USP5: variants seen among roughly 807,000 people sequenced by gnomAD.
USP5 encodes the protein ubiquitin carboxyl-terminal hydrolase 5.
USP5 carries 24 observed loss-of-function variants against 102.5 expected under a neutral mutation model. That is an observed-to-expected ratio of 0.23 (90% CI 0.17 to 0.33). The LOEUF (loss-of-function observed/expected upper bound fraction) is 0.33. USP5 is among the 10% of genes least tolerant of loss of function. The probability of loss-of-function intolerance (pLI) is 1.00; values close to 1 mark genes in which losing one functional copy is unlikely to be tolerated. For synonymous variants in USP5, 460 were observed against 434.8 expected (o/e 1.06, Z -0.72); for missense variants, 753 against 1,122.1 (o/e 0.67, Z 4.70).
At position 6,855,049 on chromosome 12, in the gene USP5, T is replaced by C. The variant is rs10744720; in HGVS notation, c.112-352T>C. Reference sequence around the variant, plus strand: ...CTTTCTGGATCTGTTAGCCCCAGGATAGAGGTGAAGGAAGTCCTCTGTGAT... The same window carrying C: ...CTTTCTGGATCTGTTAGCCCCAGGACAGAGGTGAAGGAAGTCCTCTGTGAT... On this transcript the variant is annotated intron_variant, in intron 1 of 19. Transcript: ENST00000229268. The surrounding 1 kb of genome is among the most constrained non-coding windows in gnomAD (Gnocchi z 4.6). Among the ~76,000 whole-genome samples, 129,754 of 152,078 alleles carry C rather than the reference T, an allele frequency of 0.85. 55,930 individuals carry two copies. The highest frequency in any genetic ancestry group is 1 in the East Asian group (5,147 of 5,162).
intron 1 of USP5, among the ~76,000 whole-genome samples, chr12:6,853,979 T>A (rs1944032862): frequency 6.6e-6 from 1 of 152,214 alleles, no homozygotes; most frequent in Non-Finnish European, 1.5e-5. Flanking sequence ...TGGAAGAGGA[T>A]GTCTGTTGTT....
At position 6,858,793 on chromosome 12, in the gene USP5, A is replaced by G; in HGVS notation, c.1058+176A>G. On this transcript the variant is annotated intron_variant, in intron 8 of 19. Coordinates refer to ENST00000229268, the MANE Select transcript of USP5 (RefSeq NM_001098536.2). The surrounding 1 kb of genome is among the most constrained non-coding windows in gnomAD (Gnocchi z 4.2). ...CAGTACTTCGGGAGGCCAAGATGGG[A>G]GAATTGCTTGAGCCCAGGAGGTTGA... is the stretch of plus-strand genomic sequence containing the variant. 1 of 551,744 alleles carries G rather than the reference A, an allele frequency of 1.8e-6. No individual in the cohort carries two copies. Among genetic ancestry groups the G allele is most frequent in the East Asian group, 2.9e-5 (1 of 34,776 alleles). 34.2% of individuals were successfully genotyped at this position (551,744 alleles called of 1,614,324 possible). A position where few individuals can be genotyped will look rare whatever the true frequency, so the allele number is the denominator to read the frequency against.
At position 6,855,321 on chromosome 12, in the gene USP5, C is replaced by G; in HGVS notation, c.112-80C>G. 1 of 1,570,140 alleles carries G rather than the reference C, an allele frequency of 6.4e-7. No individual in the cohort carries two copies. The highest frequency in any genetic ancestry group is 8.7e-7 in the Non-Finnish European group (1 of 1,155,622). Reference sequence around the variant, plus strand: ...CATTTCTTCTGGAACCCAGCAGTTTCTGACTCCAGGTTTTGGTTTCCTCAC... The same window carrying G: ...CATTTCTTCTGGAACCCAGCAGTTTGTGACTCCAGGTTTTGGTTTCCTCAC... On this transcript the variant is annotated intron_variant, in intron 1 of 19. Transcript: ENST00000229268. The surrounding 1 kb of genome is among the most constrained non-coding windows in gnomAD (Gnocchi z 4.6).
In USP5 at chr12:6,861,375, T is replaced by C; in HGVS notation, c.1499-68T>C. 1 of 1,492,618 alleles carries C rather than the reference T, an allele frequency of 6.7e-7. No homozygotes were observed. Among genetic ancestry groups the C allele is most frequent in the Non-Finnish European group, 9.0e-7 (1 of 1,110,208 alleles). The allele number at this position is 1,492,618 out of a possible 1,614,324, so 92.5% of individuals were successfully genotyped here. ...AACTGAAATACGGACACAGAGCCAG[T>C]AGGGAGAGGCTAAGGAGGCAAAGAA... On this transcript the variant is annotated intron_variant, in intron 12 of 19. Transcript: ENST00000229268. The surrounding 1 kb of genome is among the most constrained non-coding windows in gnomAD (Gnocchi z 4.9).
At position 6,853,990 on chromosome 12, in the gene USP5, G is replaced by T. The variant is rs188467892; in HGVS notation, c.112-1411G>T. 3.4e-4 allele frequency among the ~76,000 whole-genome samples: 52 copies of T among 152,322 alleles called. 2 individuals carry two copies. Among genetic ancestry groups the T allele is most frequent in the African/African-American group, 1.3e-3 (52 of 41,560 alleles). ...TTCCTGGAAGAGGATGTCTGTTGTT[G>T]CTCAAAGCCTTGGATCTGAGGGAAG... On this transcript the variant is annotated intron_variant, in intron 1 of 19. Coordinates refer to ENST00000229268, the MANE Select transcript of USP5 (RefSeq NM_001098536.2).
At position 6,863,459 on chromosome 12, in the gene USP5, G is replaced by T; in HGVS notation, c.1954+82G>T. On this transcript the variant is annotated intron_variant, in intron 15 of 19. Coordinates refer to ENST00000229268, the MANE Select transcript of USP5 (RefSeq NM_001098536.2). The surrounding 1 kb of genome is among the most constrained non-coding windows in gnomAD (Gnocchi z 4.7). ...CTTGCATCCCCTGCCCCTGTCCTTT[G>T]TGTTTCTCCTGTCCTCCCTTTCAAA... is the stretch of plus-strand genomic sequence containing the variant. The T allele has an allele frequency of 6.8e-7, 1 of 1,470,532 alleles. No homozygotes were observed. Among genetic ancestry groups the T allele is most frequent in the Non-Finnish European group, 9.3e-7 (1 of 1,078,886 alleles). The allele number at this position is 1,470,532 out of a possible 1,614,324, so 91.1% of individuals were successfully genotyped here. A position where few individuals can be genotyped will look rare whatever the true frequency, so the allele number is the denominator to read the frequency against.
At position 6,863,918 on chromosome 12, in the gene USP5, C is replaced by G; in HGVS notation, c.2043C>G (p.Gly681=). 1 of 1,610,032 alleles carries G rather than the reference C, an allele frequency of 6.2e-7. No homozygotes were observed. The highest frequency in any genetic ancestry group is 8.5e-7 in the Non-Finnish European group (1 of 1,177,454). ...DACRKAVYYT[G]NSGAEAAMNW... is the part of the protein sequence containing the mutation. The stretch of plus-strand genomic sequence containing the variant: ...GCCGCAAAGCTGTCTACTACACGGG[C>G]AACAGCGGGGCTGAGGCCGCCATGA... Residue 681 remains glycine (G), a synonymous_variant, in exon 16 of 20, where the codon GGC becomes GGG. Transcript: ENST00000229268. This position sits in a 1 kb window ranked among gnomAD's most constrained non-coding sequence, Gnocchi z 4.7.
At chr12:6,859,692 T>C (rs782050914) in intron 9 of USP5, 151 bp downstream of exon 9, 33 of 793,684 alleles carry the variant, frequency 4.2e-5, no homozygotes, top group Non-Finnish European at 6.3e-5. Context: ...CTTGTTCTGT[T>C]GCCAGGCTGG....
In USP5 at chr12:6,855,586, TG is replaced by T; in HGVS notation, c.237+62del. 6.3e-7 allele frequency: 1 copy of T among 1,596,444 alleles called. No homozygotes were observed. ...TGTCTGTTCCATTCTGACCTCCTAT[TG>T]GACTCAGTTTCTTTTTTTCACCTAC... is the stretch of plus-strand genomic sequence containing the variant. On this transcript the variant is annotated intron_variant, in intron 2 of 19. Transcript: ENST00000229268. This position sits in a 1 kb window ranked among gnomAD's most constrained non-coding sequence, Gnocchi z 4.6.
Position 6,863,155 on chromosome 12 carries a change from G to A in USP5, c.1763-31G>A, listed in dbSNP as rs1555129908. On this transcript the variant is annotated intron_variant, in intron 14 of 19. Coordinates refer to ENST00000229268, the MANE Select transcript of USP5 (RefSeq NM_001098536.2). This position sits in a 1 kb window ranked among gnomAD's most constrained non-coding sequence, Gnocchi z 4.7. ...CGAATCACTTTCCAGGTAGGCCTCC[G>A]GGAGCTGCTGAGGTGACCCTTTTCC... 3.8e-6 allele frequency: 6 copies of A among 1,581,942 alleles called. No individual in the cohort carries two copies. Among genetic ancestry groups the A allele is most frequent in the African/African-American group, 1.4e-5 (1 of 73,962 alleles).
Position 6,856,334 on chromosome 12 carries a change from G to C in USP5, c.468G>C (p.Ser156=). The C allele has an allele frequency of 2.5e-6, 4 of 1,613,696 alleles. No individual in the cohort carries two copies. Among genetic ancestry groups the C allele is most frequent in the Non-Finnish European group, 3.4e-6 (4 of 1,179,864 alleles). The change falls in exon 5 of 20, where the codon TCG becomes TCC. Residue 156 remains serine, a synonymous_variant. Coordinates refer to ENST00000229268, the MANE Select transcript of USP5 (RefSeq NM_001098536.2). The surrounding 1 kb of genome is among the most constrained non-coding windows in gnomAD (Gnocchi z 5.6). The part of the protein sequence containing the change: ...RVTSAVEALL[S]ADSASRKQEV... The stretch of plus-strand genomic sequence containing the variant: ...CCAGTGCAGTGGAGGCCCTACTGTC[G>C]GCCGACTCAGCCTCCCGCAAGCAGG...
rs1175438358 is a variant in USP5, at chr12:6,863,037, T to C, written c.1763-149T>C. 1.4e-6 allele frequency: 1 copy of C among 712,036 alleles called. No individual in the cohort carries two copies. The highest frequency in any genetic ancestry group is 1.8e-5 in the African/African-American group (1 of 55,756). The allele number at this position is 712,036 out of a possible 1,614,324, so 44.1% of individuals were successfully genotyped here. ...CAACTCCCAGGCTTAGTATTATTTGTCTTATACTGGGACCCCTAAGATGGG... is the reference window on the plus strand; with the variant it reads ...CAACTCCCAGGCTTAGTATTATTTGCCTTATACTGGGACCCCTAAGATGGG... On this transcript the variant is annotated intron_variant, in intron 14 of 19. Coordinates refer to ENST00000229268, the MANE Select transcript of USP5 (RefSeq NM_001098536.2). The surrounding 1 kb of genome is among the most constrained non-coding windows in gnomAD (Gnocchi z 4.7).
chr12:6,862,043 C>G (rs782436525), intron 13 of USP5, among the ~76,000 whole-genome samples: 2 of 151,242 alleles, frequency 1.3e-5, no homozygotes, highest in African/African-American at 4.8e-5. Flanking sequence ...CAGCCCTTTG[C>G]TGCTCCTGCC....
chr12:6,860,218 G>GAGCGT lies in USP5; in HGVS notation c.1202_1203insTAGCG (p.Val402SerfsTer78). 6.2e-7 allele frequency: 1 copy of GAGCGT among 1,608,540 alleles called. No homozygotes were observed. The highest frequency in any genetic ancestry group is 8.5e-7 in the Non-Finnish European group (1 of 1,178,368). ...GCCAGTACCGGAGTCGGGCGATGGG[G>GAGCGT]AGCGGGTGCCAGAACAGAAGGTGCG... On this transcript the variant is annotated frameshift_variant, in exon 10 of 20. Coordinates refer to ENST00000229268, the MANE Select transcript of USP5 (RefSeq NM_001098536.2). LOFTEE classifies it high-confidence loss of function. This position sits in a 1 kb window ranked among gnomAD's most constrained non-coding sequence, Gnocchi z 5.5.
chr12:6,858,519 GT>G lies in USP5; in HGVS notation c.963del (p.Phe321LeufsTer157). ...QESGVPLKPL[F>X]GPGYTGIRNL... ...AGTCAGGTGTGCCACTCAAGCCCCT[GT>G]TTGGGCCTGGCTACACAGGCATCCG... On this transcript the variant is annotated frameshift_variant, in exon 8 of 20. Transcript: ENST00000229268. LOFTEE classifies it high-confidence loss of function. This position sits in a 1 kb window ranked among gnomAD's most constrained non-coding sequence, Gnocchi z 4.2. 1 of 1,613,982 alleles carries G rather than the reference GT, an allele frequency of 6.2e-7. No homozygotes were observed. Among genetic ancestry groups the G allele is most frequent in the Non-Finnish European group, 8.5e-7 (1 of 1,179,806 alleles).
Position 6,863,049 on chromosome 12 carries a change from A to T in USP5, c.1763-137A>T. On this transcript the variant is annotated intron_variant, in intron 14 of 19. Coordinates refer to ENST00000229268, the MANE Select transcript of USP5 (RefSeq NM_001098536.2). The surrounding 1 kb of genome is among the most constrained non-coding windows in gnomAD (Gnocchi z 4.7). Reference sequence around the variant, plus strand: ...TTAGTATTATTTGTCTTATACTGGGACCCCTAAGATGGGTGCCGTGCTTTT... The same window carrying T: ...TTAGTATTATTTGTCTTATACTGGGTCCCCTAAGATGGGTGCCGTGCTTTT... 1.3e-6 allele frequency: 1 copy of T among 773,998 alleles called. No homozygotes were observed. 47.9% of individuals were successfully genotyped at this position (773,998 alleles called of 1,614,324 possible). A position where few individuals can be genotyped will look rare whatever the true frequency, so the allele number is the denominator to read the frequency against.
rs781953596 is a variant in USP5, at chr12:6,856,700, G to A, written c.585-7G>A. The A allele has an allele frequency of 6.2e-7, 1 of 1,613,834 alleles. No homozygotes were observed. The highest frequency in any genetic ancestry group is 1.7e-5 in the Admixed American group (1 of 60,026). Reference sequence around the variant, plus strand: ...CATTTCTGCTGATTCTCTTCTCTGTGGGTTAGTGGCTGGAAGTGCTCCAAG... The same window carrying A: ...CATTTCTGCTGATTCTCTTCTCTGTAGGTTAGTGGCTGGAAGTGCTCCAAG... On this transcript the variant is annotated splice_polypyrimidine_tract_variant and splice_region_variant and intron_variant, in intron 5 of 19. Coordinates refer to ENST00000229268, the MANE Select transcript of USP5 (RefSeq NM_001098536.2). The surrounding 1 kb of genome is among the most constrained non-coding windows in gnomAD (Gnocchi z 5.6).
At position 6,856,577 on chromosome 12, in the gene USP5, G is replaced by A; in HGVS notation, c.584+127G>A. On this transcript the variant is annotated intron_variant, in intron 5 of 19. Transcript: ENST00000229268. The surrounding 1 kb of genome is among the most constrained non-coding windows in gnomAD (Gnocchi z 5.6). Reference sequence around the variant, plus strand: ...GGAAGGGAAGCTTGGAAATGAACACGACATGGGGATGGCCAGAGGAGAAGA... The same window carrying A: ...GGAAGGGAAGCTTGGAAATGAACACAACATGGGGATGGCCAGAGGAGAAGA... 2.6e-6 allele frequency: 4 copies of A among 1,541,950 alleles called. No homozygotes were observed. The highest frequency in any genetic ancestry group is 1.7e-6 in the Non-Finnish European group (2 of 1,146,226).
Position 6,855,808 on chromosome 12 carries a change from G to A in USP5, c.291G>A (p.Thr97=), listed in dbSNP as rs1555128071. 13 of 1,614,166 alleles carry A rather than the reference G, an allele frequency of 8.1e-6. No individual in the cohort carries two copies. Among genetic ancestry groups the A allele is most frequent in the Non-Finnish European group, 1.1e-5 (13 of 1,180,024 alleles). ...GAGACCCACCCCGGAAGAAGCCCAC[G>A]CGGCTGGCTATTGGTGAGCACCGCT... ...GTGDPPRKKP[T]RLAIGVEGGF... The change falls in exon 3 of 20, where the codon ACG becomes ACA. Residue 97 remains threonine, a synonymous_variant. Transcript: ENST00000229268. This position sits in a 1 kb window ranked among gnomAD's most constrained non-coding sequence, Gnocchi z 4.6.
Sources: allele counts gnomAD v4.1 joint callset (sites outside exome capture counted in the v4.1 genomes callset), GRCh38; gene constraint gnomAD v4.1.1; non-coding constraint Gnocchi (gnomAD v3.1); transcripts MANE v1.5; gene names NCBI Gene and HGNC (gene_info 2026-07-23, HGNC 2026-07-21).